Variants in PTPN22 observed in about 807,000 individuals in gnomAD.
PTPN22 encodes the protein protein tyrosine phosphatase non-receptor type 22.
A neutral mutation model predicts 103.3 loss-of-function variants in PTPN22; 85 were observed. The observed-to-expected ratio is 0.82, with a 90% CI of 0.69 to 0.99. The LOEUF is 0.99. Ranked by LOEUF, PTPN22 falls within the 50% of genes least tolerant of loss-of-function variation. The probability of loss-of-function intolerance (pLI) is 0.00; values close to 1 mark genes in which losing one functional copy is unlikely to be tolerated. For synonymous variants in PTPN22, 323 were observed against 310.2 expected (o/e 1.04, Z -0.43); for missense variants, 865 against 936.9 (o/e 0.92, Z 1.00).
At chr1:113,862,822 A>C (rs374746152) in intron 1 of PTPN22, among the ~76,000 whole-genome samples, 27 of 152,268 alleles carry the variant, frequency 1.8e-4, no homozygotes, top group African/African-American at 6.5e-4. Flanking sequence ...AAGAAGTACA[A>C]GTGGTAAGGA....
chr1:113,820,667 A>G (rs1661518294), intron 19 of PTPN22, among the ~76,000 whole-genome samples: 1 of 152,178 alleles, frequency 6.6e-6, no homozygotes, highest in African/African-American at 2.4e-5. Context: ...CATTTTGCAC[A>G]TTCTCTGTCT....
At chr1:113,857,193 T>A (rs1194354419) in intron 5 of PTPN22, among the ~76,000 whole-genome samples, 1 of 152,234 alleles carries the variant, frequency 6.6e-6, no homozygotes, top group Non-Finnish European at 1.5e-5. Context: ...GTATATTTTA[T>A]ATTTATAGCT....
At chr1:113,820,936 C>T (rs1298636109) in intron 19 of PTPN22, among the ~76,000 whole-genome samples, 1 of 151,342 alleles carries the variant, frequency 6.6e-6, no homozygotes, top group Non-Finnish European at 1.5e-5. Context: ...AATTAAGATA[C>T]ATATTTATTT....
At chr1:113,828,104 A>AT (rs769818595) in intron 18 of PTPN22, among the ~76,000 whole-genome samples, 88 of 152,176 alleles carry the variant, frequency 5.8e-4, no homozygotes, top group Non-Finnish European at 1.0e-3. Context: ...GGGGGTTATT[A>AT]TTTTCTATGA....
chr1:113,843,367 A>G (rs1049134393), intron 11 of PTPN22, among the ~76,000 whole-genome samples: 1 of 152,072 alleles, frequency 6.6e-6, no homozygotes, highest in Non-Finnish European at 1.5e-5. Flanking sequence ...GAGTAAGAAA[A>G]TTGTGACACG....
intron 1 of PTPN22, among the ~76,000 whole-genome samples, chr1:113,865,672 A>G (rs958974365): frequency 2.0e-5 from 3 of 152,192 alleles, no homozygotes; most frequent in Admixed American, 2.0e-4. Context: ...ATAGTCTTTG[A>G]CCCAGTAATA....
intron 10 of PTPN22, among the ~76,000 whole-genome samples, chr1:113,849,366 T>A (rs1440936526): frequency 1.3e-5 from 2 of 152,214 alleles, no homozygotes; most frequent in African/African-American, 4.8e-5. Flanking sequence ...ACTACTCTGT[T>A]TTTGCCTGTA....
chr1:113,868,467 T>C (rs999400548), intron 1 of PTPN22, among the ~76,000 whole-genome samples: 2 of 152,182 alleles, frequency 1.3e-5, no homozygotes, highest in African/African-American at 2.4e-5. Flanking sequence ...GTATTTACCT[T>C]GTCCAAGCAA....
At chr1:113,816,772 G>T (rs1661185310) in intron 20 of PTPN22, among the ~76,000 whole-genome samples, 1 of 152,170 alleles carries the variant, frequency 6.6e-6, no homozygotes, top group African/African-American at 2.4e-5. Flanking sequence ...AGCTGGGCAT[G>T]GTGGCGGGTG....
chr1:113,838,513 T>G (rs751618089), intron 12 of PTPN22, 31 bp downstream of exon 12: 9 of 1,606,282 alleles, frequency 5.6e-6, no homozygotes, highest in Non-Finnish European at 7.6e-6. Flanking sequence ...ACACAATTAG[T>G]CAACATTTAG....
At chr1:113,868,583 T>C (rs1319574463) in intron 1 of PTPN22, among the ~76,000 whole-genome samples, 1 of 152,174 alleles carries the variant, frequency 6.6e-6, no homozygotes, top group Non-Finnish European at 1.5e-5. Context: ...ATTTTTCCAC[T>C]GGAGGACATG....
chr1:113,867,937 T>C (rs1031237489), intron 1 of PTPN22, among the ~76,000 whole-genome samples: 2 of 152,218 alleles, frequency 1.3e-5, no homozygotes, highest in African/African-American at 2.4e-5. Context: ...AAGTCCCTCA[T>C]ATAAAATGGC....
Position 113,851,147 on chromosome 1 carries a change from G to A in PTPN22, c.828+880C>T, listed in dbSNP as rs577306108. ...AAAGATTGTGATACATAAATAGAGT[G>A]TGATTGTAATTTTTTTTTTTTTTGA... is the stretch of plus-strand genomic sequence containing the variant. On this transcript the variant is annotated intron_variant, in intron 10 of 20. Coordinates refer to ENST00000359785, the Ensembl canonical transcript of PTPN22. Among the ~76,000 whole-genome samples, 95 of 127,628 alleles carry A rather than the reference G, an allele frequency of 7.4e-4. 1 individual carries two copies. The highest frequency in any genetic ancestry group is 2.6e-3 in the African/African-American group (87 of 33,018). The allele number at this position is 127,628 out of a possible 152,430, so 83.7% of individuals were successfully genotyped here. A position where few individuals can be genotyped will look rare whatever the true frequency, so the allele number is the denominator to read the frequency against.
At chr1:113,856,115 A>G (rs980321077) in intron 7 of PTPN22, among the ~76,000 whole-genome samples, 1 of 152,128 alleles carries the variant, frequency 6.6e-6, no homozygotes, top group Admixed American at 6.6e-5. Context: ...CAGGGCTTAA[A>G]TGATTTCTCC....
At position 113,849,934 on chromosome 1, in the gene PTPN22, G is replaced by A. The variant is rs986599796; in HGVS notation, c.829-1308C>T. On this transcript the variant is annotated intron_variant, in intron 10 of 20. Coordinates refer to ENST00000359785, the Ensembl canonical transcript of PTPN22. The stretch of plus-strand genomic sequence containing the variant: ...ATCAGGGCTGGGCATGGTGGCTCAC[G>A]CCTGTAATCCCAGCACTTTGGGAGG... 7.8e-4 allele frequency among the ~76,000 whole-genome samples: 118 copies of A among 151,882 alleles called. 1 individual carries two copies. The highest frequency in any genetic ancestry group is 2.5e-3 in the African/African-American group (105 of 41,474).
intron 4 of PTPN22, 113 bp from the exon 5 acceptor site, chr1:113,857,889 T>G (rs530291822): frequency 1.7e-4 from 155 of 922,318 alleles, no homozygotes; most frequent in Non-Finnish European, 2.1e-4. Context: ...TGTTTTGTCG[T>G]TTTTTTTTAA....
At chr1:113,858,623 C>A in intron 3 of PTPN22, 50 bp from the exon 4 acceptor site, 5 of 1,106,522 alleles carry the variant, frequency 4.5e-6, no homozygotes, top group Non-Finnish European at 6.5e-6. Context: ...ATACCCTGTT[C>A]TCACCTAGTC....
At chr1:113,850,353 GA>G (rs1212447400) in intron 10 of PTPN22, among the ~76,000 whole-genome samples, 2 of 152,162 alleles carry the variant, frequency 1.3e-5, no homozygotes, top group Admixed American at 6.6e-5. Flanking sequence ...AGTAGTGTCA[GA>G]AAAAACAGCT....
At chr1:113,817,617 A>C (rs1272713485) in intron 20 of PTPN22, among the ~76,000 whole-genome samples, 1 of 151,972 alleles carries the variant, frequency 6.6e-6, no homozygotes, top group East Asian at 1.9e-4. Flanking sequence ...CTAAAAAAAA[A>C]ACATTTTTTT....
Sources: gnomAD v4.1 joint callset for allele counts (sites outside exome capture counted in the v4.1 genomes callset) on GRCh38, gnomAD v4.1.1 for gene constraint, MANE v1.5 for transcripts, NCBI Gene and HGNC (gene_info 2026-07-23, HGNC 2026-07-21) for gene names.